Variants in CFAP70 observed in about 807,000 individuals in gnomAD.
CFAP70 encodes the protein cilia and flagella associated protein 70, also known as cilia- and flagella-associated protein 70.
CFAP70 carries 81 observed loss-of-function variants against 137.6 expected under a neutral mutation model. The observed-to-expected ratio is 0.59, with a 90% CI of 0.49 to 0.71. CFAP70 has a LOEUF of 0.71. Among genes scored for constraint, CFAP70 ranks in the 30% least tolerant of loss-of-function variants. The probability of loss-of-function intolerance (pLI) is 0.00; values close to 1 mark genes in which losing one functional copy is unlikely to be tolerated. For missense variants in CFAP70, 976 were observed against 1,226.7 expected (o/e 0.80, Z 3.05); for synonymous variants, 382 against 423.6 (o/e 0.90, Z 1.20).
At position 73,329,396 on chromosome 10, in the gene CFAP70, C is replaced by T. The variant is rs187418639; in HGVS notation, c.777+1781G>A. ...AAGAGATATACCTAATGCTAAATGA[C>T]GAGTTAATGGGTGCAGCACACCAGC... is the stretch of plus-strand genomic sequence containing the variant. On this transcript the variant is annotated intron_variant, in intron 8 of 26. Transcript: ENST00000310715. Among the ~76,000 whole-genome samples the T allele has an allele frequency of 1.7e-3, 260 of 152,098 alleles. 1 individual carries two copies. Among genetic ancestry groups the T allele is most frequent in the Admixed American group, 0.013 (197 of 15,274 alleles).
chr10:73,351,461 TCTCA>T (rs2054262035), intron 3 of CFAP70, among the ~76,000 whole-genome samples: 1 of 151,786 alleles, frequency 6.6e-6, no homozygotes, highest in South Asian at 2.1e-4. Flanking sequence ...TGAGAGAAAG[TCTCA>T]CTGTGTCACT....
chr10:73,317,144 A>G (rs969013459), intron 9 of CFAP70, among the ~76,000 whole-genome samples: 5 of 152,082 alleles, frequency 3.3e-5, no homozygotes, highest in African/African-American at 1.2e-4. Flanking sequence ...CAGCCTCTTG[A>G]GCAGCTGGGA....
At chr10:73,261,834 G>A (rs1303018120) in intron 25 of CFAP70, among the ~76,000 whole-genome samples, 2 of 151,742 alleles carry the variant, frequency 1.3e-5, no homozygotes, top group African/African-American at 4.8e-5. Flanking sequence ...CTATTCTAGT[G>A]GGTGTGTAGT....
chr10:73,306,826 C>A (rs938064847), intron 12 of CFAP70, among the ~76,000 whole-genome samples: 1 of 152,090 alleles, frequency 6.6e-6, no homozygotes, highest in Non-Finnish European at 1.5e-5. Context: ...ACAGGACCTA[C>A]CTCATAAGGA....
At chr10:73,311,718 G>C (rs535231902) in intron 11 of CFAP70, 116 bp downstream of exon 12, 2 of 872,558 alleles carry the variant, frequency 2.3e-6, no homozygotes. Flanking sequence ...AACTAGTCAT[G>C]GGCAAATATG....
chr10:73,289,541 C>T (rs1271379590), intron 19 of CFAP70, among the ~76,000 whole-genome samples: 1 of 151,844 alleles, frequency 6.6e-6, no homozygotes, highest in South Asian at 2.1e-4. Flanking sequence ...GCCTCGGCCT[C>T]CCAGAGTGCT....
At chr10:73,348,197 C>G in intron 4 of CFAP70, 1 of 1,614,214 alleles carries the variant, frequency 6.2e-7, no homozygotes, top group Non-Finnish European at 8.5e-7. Flanking sequence ...GAGCCTTGCA[C>G]AGGGTGCAAT....
Position 73,328,343 on chromosome 10 carries a change from A to T in CFAP70, c.777+2834T>A, listed in dbSNP as rs1476280462. Among the ~76,000 whole-genome samples the T allele has an allele frequency of 2.0e-5, 3 of 152,036 alleles. No homozygotes were observed. In the East Asian group the frequency reaches 5.8e-4, roughly 29 times the overall value. On this transcript the variant is annotated intron_variant, in intron 8 of 26. Coordinates refer to ENST00000310715, the Ensembl canonical transcript of CFAP70. ...CACCTTATACAAAAATTAATTCAAG[A>T]TGGATTAAAGACTTAAACGTTAGAC...
intron 6 of CFAP70, 127 bp downstream of exon 7, chr10:73,341,272 G>A: frequency 1.2e-6 from 1 of 809,174 alleles, no homozygotes; most frequent in Non-Finnish European, 1.9e-6. Context: ...TTAGATATGT[G>A]TTTTATTTTG....
At chr10:73,287,785 A>G (rs2047848805) in intron 19 of CFAP70, among the ~76,000 whole-genome samples, 2 of 152,174 alleles carry the variant, frequency 1.3e-5, no homozygotes, top group African/African-American at 4.8e-5. Flanking sequence ...AGAACTGAAG[A>G]AGGAAGATAG....
At chr10:73,292,122 T>C in intron 16 of CFAP70, 108 bp from the exon 18 acceptor site, 4 of 1,354,144 alleles carry the variant, frequency 3.0e-6, no homozygotes, top group Admixed American at 2.2e-5. Flanking sequence ...AAAGCACAGA[T>C]TGTGACTTCT....
intron 7 of CFAP70, among the ~76,000 whole-genome samples, chr10:73,334,111 T>C (rs2052389091): frequency 6.6e-6 from 1 of 152,240 alleles, no homozygotes; most frequent in African/African-American, 2.4e-5. Flanking sequence ...GAGTTGTTCA[T>C]TCATATTGTA....
chr10:73,256,395 C>T (rs1485476710), exon 26 of CFAP70: 5 of 1,613,940 alleles, frequency 3.1e-6, no homozygotes, highest in African/African-American at 1.3e-5. Context: ...TAGGCCTGCT[C>T]AGCTTCTAAT....
intron 9 of CFAP70, among the ~76,000 whole-genome samples, chr10:73,320,156 C>T (rs1249163133): frequency 6.6e-6 from 1 of 151,924 alleles, no homozygotes; most frequent in Non-Finnish European, 1.5e-5. Context: ...AAACGAAATA[C>T]TTTCTTTCAT....
chr10:73,359,398 A>G (rs2054911639), upstream of CFAP70, among the ~76,000 whole-genome samples: 1 of 152,234 alleles, frequency 6.6e-6, no homozygotes, highest in Admixed American at 6.5e-5. Flanking sequence ...AACTGCAGCC[A>G]TACACACAAC....
intron 2 of CFAP70, among the ~76,000 whole-genome samples, chr10:73,354,461 G>A (rs996021595): frequency 6.6e-6 from 1 of 152,082 alleles, no homozygotes; most frequent in Non-Finnish European, 1.5e-5. Flanking sequence ...CTTCTCAGGA[G>A]AAAGGGAAAA....
At chr10:73,313,371 CAA>C (rs775077463) in intron 9 of CFAP70, among the ~76,000 whole-genome samples, 7,802 of 58,876 alleles carry the variant, frequency 0.13, 351 homozygotes, top group East Asian at 0.37. Flanking sequence ...GACTCTGTCT[CAA>C]AAAAAAAAAA....
intron 12 of CFAP70, among the ~76,000 whole-genome samples, chr10:73,309,836 T>C (rs886341039): frequency 5.3e-5 from 8 of 151,996 alleles, no homozygotes; most frequent in Non-Finnish European, 1.2e-4. Flanking sequence ...TTTTGTATTT[T>C]AGTAGAGACG....
chr10:73,351,087 ATATATATATATATATATATATATATG>A (rs755622406), intron 3 of CFAP70, among the ~76,000 whole-genome samples: 1 of 96,104 alleles, frequency 1.0e-5, no homozygotes, highest in Non-Finnish European at 2.0e-5. Context: ...ATATATATAT[ATATATATATATATATATATATATATG>A]TATGTTTTGT....
Sources: gnomAD v4.1 joint callset for allele counts (sites outside exome capture counted in the v4.1 genomes callset) on GRCh38, gnomAD v4.1.1 for gene constraint, MANE v1.5 for transcripts, NCBI Gene and HGNC (gene_info 2026-07-23, HGNC 2026-07-21) for gene names.